The following MCUB variants were observed in gnomAD, a reference collection of about 807,000 sequenced individuals.
MCUB encodes calcium uniporter regulatory subunit MCUb, mitochondrial.
MCUB carries 46 observed loss-of-function variants against 41.4 expected under a neutral mutation model. The ratio of observed to expected loss-of-function variants is 1.11; its 90% CI spans 0.88 to 1.42. The LOEUF is 1.42. Among genes scored for constraint, MCUB ranks in the 40% most tolerant of loss-of-function variants. The pLI is 0.00. For missense variants in MCUB, 403 were observed against 404.9 expected, an observed-to-expected ratio of 1.00 and a Z score of 0.04; for synonymous variants, 148 against 148.2, an observed-to-expected ratio of 1.00 and a Z score of 0.01.
chr4:109,670,370 C>G (rs1016535090), intron 4 of MCUB, among the ~76,000 whole-genome samples: 2 of 151,886 alleles, frequency 1.3e-5, no homozygotes, highest in African/African-American at 4.9e-5. Flanking sequence ...AATGAAATCC[C>G]AATCGGTTAG....
At chr4:109,681,093 A>T (rs528949821) in intron 4 of MCUB, among the ~76,000 whole-genome samples, 2 of 152,362 alleles carry the variant, frequency 1.3e-5, no homozygotes, top group Admixed American at 6.5e-5. Context: ...GACCCCTGTG[A>T]TAAGAGAGAT....
chr4:109,597,643 C>T lies in MCUB; in HGVS notation c.99+37207C>T, dbSNP rs1460866484. Among the ~76,000 whole-genome samples, 3 of 146,600 alleles carry T rather than the reference C, an allele frequency of 2.0e-5. No individual in the cohort carries two copies. The East Asian group carries it at 6.3e-4, about 31-fold the overall frequency. On this transcript the variant is annotated intron_variant, in intron 1 of 7. Transcript: ENST00000394650. Reference sequence around the variant, plus strand: ...AGCTGGCCGGGCGGGGGGCTGACTCCCCCACCTCCCTCCCAGACCGGGCGG... The same window carrying T: ...AGCTGGCCGGGCGGGGGGCTGACTCTCCCACCTCCCTCCCAGACCGGGCGG...
At chr4:109,583,882 TTGAAC>T (rs1727242901) in intron 1 of MCUB, among the ~76,000 whole-genome samples, 1 of 152,230 alleles carries the variant, frequency 6.6e-6, no homozygotes, top group Non-Finnish European at 1.5e-5. Flanking sequence ...TTTGTGTATG[TTGAAC>T]CAGCCTTGCA....
At chr4:109,679,840 C>T (rs75852942) in intron 4 of MCUB, among the ~76,000 whole-genome samples, 101,963 of 151,504 alleles carry the variant, frequency 0.67, 34,530 homozygotes, top group South Asian at 0.74. Flanking sequence ...CTCTCTGTGT[C>T]ACCCAGGCTG....
At chr4:109,565,654 C>T (rs184338345) in intron 1 of MCUB, among the ~76,000 whole-genome samples, 2 of 152,198 alleles carry the variant, frequency 1.3e-5, no homozygotes, top group East Asian at 3.9e-4. Flanking sequence ...CGTTCATTAT[C>T]TAATGGTTGA....
chr4:109,647,258 A>T (rs1319356367), intron 1 of MCUB, among the ~76,000 whole-genome samples: 1 of 151,820 alleles, frequency 6.6e-6, no homozygotes, highest in Non-Finnish European at 1.5e-5. Flanking sequence ...ATGGAGTTGG[A>T]CAAATATGTA....
chr4:109,656,584 T>C (rs2126143732), intron 1 of MCUB, among the ~76,000 whole-genome samples: 1 of 151,810 alleles, frequency 6.6e-6, no homozygotes, highest in South Asian at 2.1e-4. Context: ...CCATGTTACC[T>C]GGGCTCAAAC....
At chr4:109,592,327 T>A (rs2126128818) in intron 1 of MCUB, among the ~76,000 whole-genome samples, 1 of 152,040 alleles carries the variant, frequency 6.6e-6, no homozygotes, top group East Asian at 1.9e-4. Context: ...GGAGAATTGC[T>A]TGAACCCGGG....
intron 1 of MCUB, among the ~76,000 whole-genome samples, chr4:109,583,288 A>T (rs1561216477): frequency 6.6e-6 from 1 of 152,108 alleles, no homozygotes; most frequent in African/African-American, 2.4e-5. Flanking sequence ...CATCCCATGT[A>T]AGTTGGATTC....
rs537804349 is a variant in MCUB at position 109,623,614 on chromosome 4, T to G, written c.100-35397T>G. Among the ~76,000 whole-genome samples the G allele has an allele frequency of 5.9e-5, 9 of 152,310 alleles. No individual in the cohort carries two copies. In the East Asian group the frequency reaches 1.7e-3, roughly 29 times the overall value. On this transcript the variant is annotated intron_variant, in intron 1 of 7. Transcript: ENST00000394650. The stretch of plus-strand genomic sequence containing the variant: ...TGTCAAGAACTTAAGGCATTCAGAC[T>G]GTGTATTGCTGCTTTTGGGTGGAAA...
At chr4:109,585,152 T>G (rs751897210) in intron 1 of MCUB, among the ~76,000 whole-genome samples, 2 of 152,152 alleles carry the variant, frequency 1.3e-5, no homozygotes, top group Non-Finnish European at 2.9e-5. Context: ...GCATATATAT[T>G]TAGGATAGTT....
chr4:109,624,001 C>T (rs1211121079), intron 1 of MCUB, among the ~76,000 whole-genome samples: 1 of 152,090 alleles, frequency 6.6e-6, no homozygotes, highest in Non-Finnish European at 1.5e-5. Flanking sequence ...AGGTGCACAC[C>T]AGCACACTTG....
chr4:109,612,258 C>CTTT (rs1325699707), intron 1 of MCUB, among the ~76,000 whole-genome samples: 1 of 106,636 alleles, frequency 9.4e-6, no homozygotes, highest in African/African-American at 3.2e-5. Context: ...CCTCCTCCTC[C>CTTT]TTTTCTTTTT....
chr4:109,595,182 G>C (rs1727525950), intron 1 of MCUB, among the ~76,000 whole-genome samples: 1 of 152,030 alleles, frequency 6.6e-6, no homozygotes, highest in African/African-American at 2.4e-5. Flanking sequence ...CATGGTTGTT[G>C]GTTTTGTCCC....
rs1016093173 is a variant in MCUB at position 109,582,090 on chromosome 4, A to C, written c.99+21654A>C. 5.9e-5 allele frequency among the ~76,000 whole-genome samples: 9 copies of C among 152,076 alleles called. No individual in the cohort carries two copies. The East Asian group carries it at 1.7e-3, about 29-fold the overall frequency. On this transcript the variant is annotated intron_variant, in intron 1 of 7. Coordinates refer to ENST00000394650, the MANE Select transcript of MCUB (RefSeq NM_017918.5). Reference sequence around the variant, plus strand: ...AAGACACATGCACACATGTTTATTGAGGCACTATTCACCATAGCAAAGACT... The same window carrying C: ...AAGACACATGCACACATGTTTATTGCGGCACTATTCACCATAGCAAAGACT...
In MCUB at chr4:109,685,109, T is replaced by A; in HGVS notation, c.817-142T>A. The A allele has an allele frequency of 7.3e-6, 4 of 551,502 alleles. No homozygotes were observed. The South Asian group carries it at 1.1e-4, about 15-fold the overall frequency. 34.2% of individuals were successfully genotyped at this position (551,502 alleles called of 1,614,324 possible). A position where few individuals can be genotyped will look rare whatever the true frequency, so the allele number is the denominator to read the frequency against. On this transcript the variant is annotated intron_variant, in intron 6 of 7. Coordinates refer to ENST00000394650, the MANE Select transcript of MCUB (RefSeq NM_017918.5). ...CTAAATGTTTTGTGTTGGCTTATGC[T>A]TACTCTCATGGCCATTGCAAATATT... is the stretch of plus-strand genomic sequence containing the variant.
chr4:109,604,361 A>G (rs534109272), intron 1 of MCUB, among the ~76,000 whole-genome samples: 1 of 152,234 alleles, frequency 6.6e-6, no homozygotes, highest in South Asian at 2.1e-4. Context: ...TGTGAGAAAC[A>G]CCCAAGAATG....
intron 1 of MCUB, among the ~76,000 whole-genome samples, chr4:109,582,393 G>GGGAGGGA (rs1468485606): frequency 9.6e-6 from 1 of 104,174 alleles, no homozygotes; most frequent in African/African-American, 3.7e-5. Flanking sequence ...GGGGGGAGGG[G>GGGAGGGA]GGAGGGATAG....
chr4:109,612,981 C>G (rs1728049936), intron 1 of MCUB, among the ~76,000 whole-genome samples: 1 of 152,094 alleles, frequency 6.6e-6, no homozygotes, highest in African/African-American at 2.4e-5. Context: ...TGGCGGGCGT[C>G]TGTAGTCCCA....
Sources: allele counts gnomAD v4.1 joint callset (sites outside exome capture counted in the v4.1 genomes callset), GRCh38; gene constraint gnomAD v4.1.1; transcripts MANE v1.5; gene names NCBI Gene and HGNC (gene_info 2026-07-23, HGNC 2026-07-21).